The following RPH3A variants were observed in gnomAD, a reference collection of about 807,000 sequenced individuals.
RPH3A encodes rabphilin 3A, also known as rabphilin-3A.
Under a neutral mutation model 102.2 loss-of-function variants are expected in RPH3A, and 48 were observed. The ratio of observed to expected loss-of-function variants is 0.47; its 90% CI spans 0.37 to 0.60. The LOEUF (loss-of-function observed/expected upper bound fraction) is 0.60. Ranked by LOEUF, RPH3A falls within the 20% of genes least tolerant of loss-of-function variation. The pLI, the probability that RPH3A is intolerant of heterozygous loss-of-function variation, is 0.00. For synonymous variants in RPH3A, 310 were observed against 324.3 expected (o/e 0.96, Z 0.47); for missense variants, 781 against 910.1 (o/e 0.86, Z 1.83).
chr12:112,704,091 TC>T (rs200719663), intron 1 of RPH3A, among the ~76,000 whole-genome samples: 2 of 150,226 alleles, frequency 1.3e-5, no homozygotes, highest in African/African-American at 2.5e-5. Context: ...TTCTTCTTCT[TC>T]TTTTTTTTTT....
intron 1 of RPH3A, among the ~76,000 whole-genome samples, chr12:112,678,238 A>G (rs1317052045): frequency 1.2e-4 from 1 of 8,652 alleles, no homozygotes; most frequent in African/African-American, 6.5e-4. Context: ...CTGTCGAAAG[A>G]AAGAAAGAAA....
intron 2 of RPH3A, chr12:112,813,315 T>G (rs2041612946): frequency 6.6e-6 from 1 of 152,228 alleles, no homozygotes; most frequent in Non-Finnish European, 1.5e-5. Flanking sequence ...GAGGGTTGTG[T>G]TCACAGGGGC....
intron 1 of RPH3A, among the ~76,000 whole-genome samples, chr12:112,702,514 G>C (rs1217128831): frequency 1.3e-5 from 2 of 152,210 alleles, no homozygotes; most frequent in Non-Finnish European, 2.9e-5. Context: ...GATGCTCAGG[G>C]AGATTAAGTG....
At chr12:112,848,143 T>C (rs2042262494) in intron 5 of RPH3A, among the ~76,000 whole-genome samples, 2 of 151,822 alleles carry the variant, frequency 1.3e-5, no homozygotes, top group South Asian at 4.2e-4. Flanking sequence ...GGTCTTGTGA[T>C]AGGGAAAGAG....
At chr12:112,578,248 C>A (rs534202102) in intron 1 of RPH3A, among the ~76,000 whole-genome samples, 2 of 152,190 alleles carry the variant, frequency 1.3e-5, no homozygotes, top group South Asian at 4.2e-4. Flanking sequence ...GCAGCATGAC[C>A]CCAGCAATAG....
At chr12:112,758,557 T>A (rs1399494423) in intron 1 of RPH3A, among the ~76,000 whole-genome samples, 2 of 152,248 alleles carry the variant, frequency 1.3e-5, no homozygotes, top group Non-Finnish European at 2.9e-5. Flanking sequence ...TTATGCTAAA[T>A]GTTCCAATTG....
chr12:112,895,693 T>C (rs1420041665), intron 20 of RPH3A, 84 bp from the exon 21 acceptor site: 1 of 912,926 alleles, frequency 1.1e-6, no homozygotes, highest in Non-Finnish European at 1.8e-6. Flanking sequence ...CCTTGGCCCA[T>C]AACCCCTAGG....
intron 2 of RPH3A, among the ~76,000 whole-genome samples, chr12:112,798,568 C>T (rs969689042): frequency 2.0e-5 from 3 of 152,258 alleles, no homozygotes; most frequent in Admixed American, 6.5e-5. Context: ...GATGGTTTCT[C>T]GAAGTTCGTT....
chr12:112,828,471 A>C, intron 3 of RPH3A, 82 bp downstream of exon 3: 1 of 1,037,908 alleles, frequency 9.6e-7, no homozygotes, highest in Non-Finnish European at 1.4e-6. Flanking sequence ...AAAAGAAGGA[A>C]TAGCTTCCTT....
At chr12:112,708,631 G>A (rs2040440961) in intron 1 of RPH3A, among the ~76,000 whole-genome samples, 1 of 152,150 alleles carries the variant, frequency 6.6e-6, no homozygotes, top group South Asian at 2.1e-4. Flanking sequence ...CTGTAGTGAT[G>A]AGCAGAGTTG....
At chr12:112,610,995 G>A (rs2039635484) in intron 1 of RPH3A, among the ~76,000 whole-genome samples, 2 of 152,318 alleles carry the variant, frequency 1.3e-5, no homozygotes, top group South Asian at 4.1e-4. Flanking sequence ...CCATTTGAAT[G>A]TAAATTCTTT....
chr12:112,607,435 G>A (rs950886726), intron 1 of RPH3A, among the ~76,000 whole-genome samples: 10 of 152,148 alleles, frequency 6.6e-5, no homozygotes, highest in South Asian at 2.1e-4. Context: ...ATAATTACCC[G>A]TTTTTTTCCT....
At chr12:112,691,055 C>T (rs1035462044) in intron 1 of RPH3A, among the ~76,000 whole-genome samples, 3 of 151,696 alleles carry the variant, frequency 2.0e-5, no homozygotes, top group East Asian at 1.9e-4. Context: ...GACGGAGTCT[C>T]GCTCTGTCGC....
At chr12:112,764,740 C>T (rs775971740) in intron 1 of RPH3A, among the ~76,000 whole-genome samples, 35 of 151,840 alleles carry the variant, frequency 2.3e-4, no homozygotes, top group Non-Finnish European at 3.2e-4. Context: ...CAGCTTTTAC[C>T]TTATGGCTCT....
At chr12:112,632,994 G>C (rs904117202) in intron 1 of RPH3A, among the ~76,000 whole-genome samples, 1 of 152,018 alleles carries the variant, frequency 6.6e-6, no homozygotes, top group Non-Finnish European at 1.5e-5. Flanking sequence ...GGAGTTCAAG[G>C]CTAGCCTGGG....
intron 2 of RPH3A, among the ~76,000 whole-genome samples, chr12:112,794,576 G>A (rs1169594444): frequency 1.3e-5 from 2 of 152,152 alleles, no homozygotes; most frequent in Non-Finnish European, 2.9e-5. Context: ...CTCAGGAGTA[G>A]CAGCAAGGAC....
intron 1 of RPH3A, among the ~76,000 whole-genome samples, chr12:112,734,467 C>T (rs942948521): frequency 1.3e-5 from 2 of 152,134 alleles, no homozygotes; most frequent in Admixed American, 6.5e-5. Context: ...CCAAGTGTTA[C>T]CAGAAAGGGG....
chr12:112,596,343 T>C (rs921632371), intron 1 of RPH3A, among the ~76,000 whole-genome samples: 20 of 152,112 alleles, frequency 1.3e-4, no homozygotes, highest in African/African-American at 4.8e-4. Context: ...GGTCTCATGA[T>C]GTTGCCTAGG....
chr12:112,862,956 G>A (rs1023057467), intron 5 of RPH3A, among the ~76,000 whole-genome samples: 5 of 151,648 alleles, frequency 3.3e-5, no homozygotes, highest in Non-Finnish European at 5.9e-5. Flanking sequence ...TACACAGCTG[G>A]GACCCAGTCC....
Sources: gnomAD v4.1 joint callset for allele counts (sites outside exome capture counted in the v4.1 genomes callset) on GRCh38, gnomAD v4.1.1 for gene constraint, MANE v1.5 for transcripts, NCBI Gene and HGNC (gene_info 2026-07-23, HGNC 2026-07-21) for gene names.